Variants in TNPO2 observed in about 807,000 individuals in gnomAD.
TNPO2 encodes transportin 2, also known as transportin-2.
A neutral mutation model predicts 111.1 loss-of-function variants in TNPO2; 16 were observed. The ratio of observed to expected loss-of-function variants is 0.14; its 90% CI spans 0.10 to 0.22. The LOEUF is 0.22. TNPO2 is among the 10% of genes least tolerant of loss of function. The pLI, the probability that TNPO2 is intolerant of heterozygous loss-of-function variation, is 1.00. For missense variants in TNPO2, 530 were observed against 1,173.7 expected (o/e 0.45, Z 8.01); for synonymous variants, 481 against 475.8 (o/e 1.01, Z -0.14).
At chr19:12,714,981 G>C in intron 9 of TNPO2, 42 bp from the exon 10 acceptor site, 8 of 1,597,182 alleles carry the variant, frequency 5.0e-6, no homozygotes, top group Non-Finnish European at 6.8e-6. Context: ...CTGGCTGGGG[G>C]TGGCTCCCTG....
chr19:12,701,106 G>A lies in TNPO2; in HGVS notation c.*158C>T, dbSNP rs1248130873. ...CAGGAGGGCAAGTGGACGGATGGAC[G>A]GACGGACGGACGGACGGGGAAGGCA... On this transcript the variant is annotated 3_prime_UTR_variant, in exon 26 of 26. Transcript: ENST00000425528. The surrounding 1 kb of genome is among the most constrained non-coding windows in gnomAD (Gnocchi z 5.0). The A allele has an allele frequency of 1.3e-5, 6 of 458,048 alleles. No individual in the cohort carries two copies. The highest frequency in any genetic ancestry group is 3.8e-5 in the Admixed American group (1 of 26,522). 28.4% of individuals were successfully genotyped at this position (458,048 alleles called of 1,614,324 possible).
In TNPO2 at chr19:12,701,291, A is replaced by G; in HGVS notation, c.*20+35T>C. 3 of 1,466,636 alleles carry G rather than the reference A, an allele frequency of 2.0e-6. No homozygotes were observed. The highest frequency in any genetic ancestry group is 2.9e-6 in the Non-Finnish European group (3 of 1,052,012). 90.9% of individuals were successfully genotyped at this position (1,466,636 alleles called of 1,614,324 possible). A position where few individuals can be genotyped will look rare whatever the true frequency, so the allele number is the denominator to read the frequency against. On this transcript the variant is annotated intron_variant, in intron 25 of 25. Transcript: ENST00000425528. The surrounding 1 kb of genome is among the most constrained non-coding windows in gnomAD (Gnocchi z 5.0). ...ATGGCCTGGGACCTTTCGGCCCCCA[A>G]GACAGTGCTGACTTGCCAGCTGCAG...
rs745429407 is a variant in TNPO2 at position 12,715,566 on chromosome 19, C to CGTGGGTG, written c.433-35_433-29dup. 2 of 1,613,546 alleles carry CGTGGGTG rather than the reference C, an allele frequency of 1.2e-6. No homozygotes were observed. Among genetic ancestry groups the CGTGGGTG allele is most frequent in the Non-Finnish European group, 1.7e-6 (2 of 1,179,658 alleles). The stretch of plus-strand genomic sequence containing the variant: ...GAGTGCAGAGGGGCAGAGAGACAAA[C>CGTGGGTG]GTGGGTGGTGGGTGGTGGTCCCAGC... On this transcript the variant is annotated intron_variant, in intron 6 of 25. Coordinates refer to ENST00000425528, the MANE Select transcript of TNPO2 (RefSeq NM_001382241.1). This position sits in a 1 kb window ranked among gnomAD's most constrained non-coding sequence, Gnocchi z 7.1.
Position 12,715,858 on chromosome 19 carries a change from C to T in TNPO2, c.326-119G>A, listed in dbSNP as rs1456923088. 4 of 721,216 alleles carry T rather than the reference C, an allele frequency of 5.5e-6. No individual in the cohort carries two copies. Among genetic ancestry groups the T allele is most frequent in the Non-Finnish European group, 6.8e-6 (3 of 440,256 alleles). The allele number at this position is 721,216 out of a possible 1,614,324, so 44.7% of individuals were successfully genotyped here. Reference sequence around the variant, plus strand: ...TTCCCTAGCCCATGTACGCCCTCTACATCCCCCCTCCTTTTTTTTTTCTTT... The same window carrying T: ...TTCCCTAGCCCATGTACGCCCTCTATATCCCCCCTCCTTTTTTTTTTCTTT... On this transcript the variant is annotated intron_variant, in intron 5 of 25. Coordinates refer to ENST00000425528, the MANE Select transcript of TNPO2 (RefSeq NM_001382241.1). The surrounding 1 kb of genome is among the most constrained non-coding windows in gnomAD (Gnocchi z 7.1).
intron 5 of TNPO2, among the ~76,000 whole-genome samples, chr19:12,716,645 A>C (rs1467530539): frequency 1.3e-5 from 2 of 152,044 alleles, no homozygotes; most frequent in African/African-American, 4.8e-5. Context: ...AAACAAAAAC[A>C]AACAACTGGG....
intron 3 of TNPO2, 43 bp downstream of exon 3, chr19:12,720,835 CG>C: frequency 6.5e-7 from 1 of 1,543,434 alleles, no homozygotes; most frequent in Non-Finnish European, 8.7e-7. Flanking sequence ...GGAAACTGCA[CG>C]CATCTACCCG....
rs778529837 is a variant in TNPO2 at position 12,701,319 on chromosome 19, T to G, written c.*20+7A>C. On this transcript the variant is annotated splice_region_variant and intron_variant, in intron 25 of 25. Coordinates refer to ENST00000425528, the MANE Select transcript of TNPO2 (RefSeq NM_001382241.1). The surrounding 1 kb of genome is among the most constrained non-coding windows in gnomAD (Gnocchi z 5.0). Reference sequence around the variant, plus strand: ...CAGTGCTGACTTGCCAGCTGCAGTCTCCTTACCTGGCAGTCTCCATGATCA... The same window carrying G: ...CAGTGCTGACTTGCCAGCTGCAGTCGCCTTACCTGGCAGTCTCCATGATCA... 6.3e-7 allele frequency: 1 copy of G among 1,583,520 alleles called. No individual in the cohort carries two copies. The highest frequency in any genetic ancestry group is 8.7e-7 in the Non-Finnish European group (1 of 1,153,556).
At position 12,706,065 on chromosome 19, in the gene TNPO2, G is replaced by T; in HGVS notation, c.1668+131C>A. On this transcript the variant is annotated intron_variant, in intron 15 of 25. Transcript: ENST00000425528. This position sits in a 1 kb window ranked among gnomAD's most constrained non-coding sequence, Gnocchi z 7.0. ...ACTAGACTGGGAGCAGGGCGAGGGC[G>T]GGGCCGGGTCTGTCTGTCTGCCTGT... 9.7e-7 allele frequency: 1 copy of T among 1,027,288 alleles called. No individual in the cohort carries two copies. Among genetic ancestry groups the T allele is most frequent in the East Asian group, 2.6e-5 (1 of 38,502 alleles). The allele number at this position is 1,027,288 out of a possible 1,614,324, so 63.6% of individuals were successfully genotyped here. A position where few individuals can be genotyped will look rare whatever the true frequency, so the allele number is the denominator to read the frequency against.
chr19:12,706,817 A>T lies in TNPO2; in HGVS notation c.1271-22T>A, dbSNP rs769509434. On this transcript the variant is annotated intron_variant, in intron 13 of 25. Coordinates refer to ENST00000425528, the MANE Select transcript of TNPO2 (RefSeq NM_001382241.1). The surrounding 1 kb of genome is among the most constrained non-coding windows in gnomAD (Gnocchi z 7.0). ...CAGCCTACAAGGAAAGGGAACCAAGAGGGGGCAGTTTGATTGGGCCCAGCC... is the reference window on the plus strand; with the variant it reads ...CAGCCTACAAGGAAAGGGAACCAAGTGGGGGCAGTTTGATTGGGCCCAGCC... 1 of 1,578,460 alleles carries T rather than the reference A, an allele frequency of 6.3e-7. No homozygotes were observed. Among genetic ancestry groups the T allele is most frequent in the East Asian group, 2.3e-5 (1 of 42,702 alleles).
intron 10 of TNPO2, among the ~76,000 whole-genome samples, chr19:12,713,645 G>A (rs1256950696): frequency 6.6e-6 from 1 of 152,170 alleles, no homozygotes; most frequent in South Asian, 2.1e-4. Context: ...GGCGGAGGTT[G>A]CAGTGAGCCG....
Position 12,701,960 on chromosome 19 carries a change from G to C in TNPO2, c.2412-109C>G. On this transcript the variant is annotated intron_variant, in intron 22 of 25. Transcript: ENST00000425528. The surrounding 1 kb of genome is among the most constrained non-coding windows in gnomAD (Gnocchi z 5.0). ...GGGCCTGGGACATGCATCTGTGGGG[G>C]TGGGGCAGGGCAGGGAGTCAGTAGG... 7.2e-7 allele frequency: 1 copy of C among 1,391,700 alleles called. No individual in the cohort carries two copies. Among genetic ancestry groups the C allele is most frequent in the Non-Finnish European group, 1.0e-6 (1 of 980,332 alleles). The allele number at this position is 1,391,700 out of a possible 1,614,324, so 86.2% of individuals were successfully genotyped here. A position where few individuals can be genotyped will look rare whatever the true frequency, so the allele number is the denominator to read the frequency against.
Position 12,720,899 on chromosome 19 carries a change from T to C in TNPO2, c.79A>G (p.Thr27Ala). Residue 27 changes from threonine to alanine, a missense_variant, in exon 3 of 26, where the codon ACT becomes GCT. Physicochemically the swap from Thr to Ala is moderately conservative, Grantham distance 58. This residue lies in a region of TNPO2 where 156 missense variants were observed against 405.8 expected (regional missense o/e 0.38). Coordinates refer to ENST00000425528, the MANE Select transcript of TNPO2 (RefSeq NM_001382241.1). ...GATACATCCTGCACGATGCGCTGAGTGGCTGTGTTGGGCGACTGTGAGTCT... is the reference window on the plus strand; with the variant it reads ...GATACATCCTGCACGATGCGCTGAGCGGCTGTGTTGGGCGACTGTGAGTCT... ...LKDSQSPNTA[T>A]QRIVQDKLKQ... The C allele has an allele frequency of 6.2e-7, 1 of 1,604,338 alleles. No homozygotes were observed. The highest frequency in any genetic ancestry group is 8.5e-7 in the Non-Finnish European group (1 of 1,176,274).
In TNPO2 at chr19:12,711,432, G is replaced by A. The variant is rs370603469; in HGVS notation, c.981C>T (p.Pro327=). 6.8e-6 allele frequency: 11 copies of A among 1,613,870 alleles called. No individual in the cohort carries two copies. The highest frequency in any genetic ancestry group is 1.7e-5 in the Admixed American group (1 of 59,992). Residue 327 remains proline, a synonymous_variant, in exon 12 of 26, where the codon CCC becomes CCT. Transcript: ENST00000425528. ...KGDVEEDEAV[P]DSEQDIKPRF... is the part of the protein sequence containing the mutation. Reference sequence around the variant, plus strand: ...GTGGCTTGATGTCCTGCTCACTGTCGGGGACAGCCTCATCCTCCTCCACAT... The same window carrying A: ...GTGGCTTGATGTCCTGCTCACTGTCAGGGACAGCCTCATCCTCCTCCACAT...
intron 20 of TNPO2, among the ~76,000 whole-genome samples, 197 bp downstream of exon 20, chr19:12,703,231 A>C (rs2025432529): frequency 6.6e-6 from 1 of 152,056 alleles, no homozygotes; most frequent in African/African-American, 2.4e-5. Context: ...AACTACACAA[A>C]ACGGTCCAAT....
At chr19:12,714,228 A>G (rs2026235790) in intron 10 of TNPO2, among the ~76,000 whole-genome samples, 1 of 152,134 alleles carries the variant, frequency 6.6e-6, no homozygotes, top group Non-Finnish European at 1.5e-5. Context: ...CAAGGGAAGC[A>G]GATCTGAGAC....
chr19:12,714,285 C>A (rs1271279437), intron 10 of TNPO2, among the ~76,000 whole-genome samples: 1 of 151,908 alleles, frequency 6.6e-6, no homozygotes, highest in Non-Finnish European at 1.5e-5. Context: ...TACAGCCATA[C>A]CCCTGAAGCC....
rs1343144649 is a variant in TNPO2, at chr19:12,705,588, C to T, written c.1767G>A (p.Ser589=). ...DLFPLLECLS[S]VATALQSGFL... ...AGCCACTCTGCAGGGCGGTGGCCACCGATGACAGACACTGGCAGGGAGGAA... is the reference window on the plus strand; with the variant it reads ...AGCCACTCTGCAGGGCGGTGGCCACTGATGACAGACACTGGCAGGGAGGAA... The change falls in exon 17 of 26, where the codon TCG becomes TCA. Residue 589 remains serine (S), a synonymous_variant. Transcript: ENST00000425528. The surrounding 1 kb of genome is among the most constrained non-coding windows in gnomAD (Gnocchi z 7.2). 3.1e-6 allele frequency: 5 copies of T among 1,601,500 alleles called. No individual in the cohort carries two copies. Among genetic ancestry groups the T allele is most frequent in the South Asian group, 2.3e-5 (2 of 88,646 alleles).
intron 5 of TNPO2, among the ~76,000 whole-genome samples, chr19:12,718,100 G>C (rs2026465826): frequency 1.3e-5 from 2 of 151,948 alleles, no homozygotes; most frequent in African/African-American, 4.8e-5. Context: ...TGCCTCCTGG[G>C]TTCAAGCAAT....
Position 12,721,129 on chromosome 19 carries a change from G to A in TNPO2, c.-13-139C>T. On this transcript the variant is annotated intron_variant, in intron 2 of 25. Coordinates refer to ENST00000425528, the MANE Select transcript of TNPO2 (RefSeq NM_001382241.1). The surrounding 1 kb of genome is among the most constrained non-coding windows in gnomAD (Gnocchi z 4.9). ...AGGCGGAGGCCTCCGATCCACGCCC[G>A]CCCAAGTGCGGGGTCCCCGCCAGCT... is the stretch of plus-strand genomic sequence containing the variant. 1 of 1,482,626 alleles carries A rather than the reference G, an allele frequency of 6.7e-7. No individual in the cohort carries two copies. The highest frequency in any genetic ancestry group is 1.3e-5 in the South Asian group (1 of 77,676). 91.8% of individuals were successfully genotyped at this position (1,482,626 alleles called of 1,614,324 possible).
Sources: allele counts gnomAD v4.1 joint callset (sites outside exome capture counted in the v4.1 genomes callset), GRCh38; gene constraint gnomAD v4.1.1; regional missense constraint gnomAD v4.1.1; non-coding constraint Gnocchi (gnomAD v3.1); transcripts MANE v1.5; gene names NCBI Gene and HGNC (gene_info 2026-07-23, HGNC 2026-07-21).